The following GSDMC variants were observed in gnomAD, a reference collection of about 807,000 sequenced individuals.
The protein encoded by GSDMC is gasdermin C, also known as gasdermin-C.
A neutral mutation model predicts 58.0 loss-of-function variants in GSDMC; 59 were observed. The observed-to-expected ratio is 1.02, with a 90% confidence interval of 0.82 to 1.26. The LOEUF (loss-of-function observed/expected upper bound fraction) is 1.26. Among genes scored for constraint, GSDMC ranks in the 50% most tolerant of loss-of-function variants. The pLI, the probability that GSDMC is intolerant of heterozygous loss-of-function variation, is 0.00. For missense variants in GSDMC, 659 were observed against 598.5 expected (o/e 1.10, Z -1.06); for synonymous variants, 241 against 220.2 (o/e 1.09, Z -0.83).
the GSDMC span, among the ~76,000 whole-genome samples, chr8:129,743,195 T>C: frequency 3.9e-5 from 6 of 152,210 alleles, no homozygotes; most frequent in African/African-American, 1.2e-4. Context: ...TTCTTTTAAG[T>C]ATTGTTTTTG....
At chr8:129,767,467 G>A (rs2033900335) in intron 3 of GSDMC, among the ~76,000 whole-genome samples, 1 of 152,008 alleles carries the variant, frequency 6.6e-6, no homozygotes, top group African/African-American at 2.4e-5. Flanking sequence ...CTGTTACCCT[G>A]CCTCATGAAG....
chr8:129,762,908 C>T (rs2033723199), intron 4 of GSDMC, among the ~76,000 whole-genome samples, 177 bp from the exon 5 acceptor site: 1 of 152,154 alleles, frequency 6.6e-6, no homozygotes, highest in Non-Finnish European at 1.5e-5. Flanking sequence ...CTCATCTTCC[C>T]ATTTTTCAAT....
At chr8:129,765,835 G>A (rs2033838931) in intron 3 of GSDMC, 42 bp from the exon 4 acceptor site, 1 of 1,568,312 alleles carries the variant, frequency 6.4e-7, no homozygotes, top group Admixed American at 1.7e-5. Context: ...GAGTGGGAAA[G>A]TGATGGCTTT....
chr8:129,762,591 C>T, intron 5 of GSDMC, 35 bp downstream of exon 5: 1 of 1,266,468 alleles, frequency 7.9e-7, no homozygotes, highest in Non-Finnish European at 1.2e-6. Flanking sequence ...ACCCCCTCCA[C>T]TGCCATCTGC....
the GSDMC span, among the ~76,000 whole-genome samples, chr8:129,738,747 A>G: frequency 2.0e-5 from 3 of 152,210 alleles, no homozygotes; most frequent in Non-Finnish European, 4.4e-5. Context: ...TGGCTTATGT[A>G]TACCTATGTA....
Position 129,777,405 on chromosome 8 carries a change from G to A in GSDMC, c.183C>T (p.Ser61=). The change falls in exon 2 of 14, where the codon TCC becomes TCT. Residue 61 remains serine, a synonymous_variant. Transcript: ENST00000276708. ...EQSDYVPVEF[S]LNDILEPSSS... ...AACTTGGCTCCAGGATGTCATTGAG[G>A]GAGAATTCAACTGGAACATAGTCAG... 6.2e-7 allele frequency: 1 copy of A among 1,613,300 alleles called. No homozygotes were observed. The highest frequency in any genetic ancestry group is 1.1e-5 in the South Asian group (1 of 91,062).
chr8:129,720,780 C>T, the GSDMC span, among the ~76,000 whole-genome samples: 1 of 152,176 alleles, frequency 6.6e-6, no homozygotes. Context: ...ATCATCACAA[C>T]AAATCTTAGT....
At chr8:129,757,604 G>T (rs2033492224) in intron 6 of GSDMC, among the ~76,000 whole-genome samples, 1 of 151,340 alleles carries the variant, frequency 6.6e-6, no homozygotes, top group African/African-American at 2.4e-5. Flanking sequence ...CAAAAAAAAA[G>T]AAAAAAGAAA....
chr8:129,762,944 A>C (rs1027467670), intron 4 of GSDMC, among the ~76,000 whole-genome samples: 1 of 151,866 alleles, frequency 6.6e-6, no homozygotes, highest in Admixed American at 6.6e-5. Flanking sequence ...CAATGTTTTT[A>C]TTTCTTTCCA....
chr8:129,727,248 AT>A, the GSDMC span, among the ~76,000 whole-genome samples: 6 of 152,114 alleles, frequency 3.9e-5, no homozygotes, highest in African/African-American at 1.2e-4. Context: ...AGAAAAGACA[AT>A]TTTTTTTCAA....
the GSDMC span, among the ~76,000 whole-genome samples, chr8:129,711,135 C>A: frequency 1.7e-4 from 26 of 152,176 alleles, no homozygotes; most frequent in African/African-American, 6.3e-4. Flanking sequence ...ATTATAGTAG[C>A]ATTTATTGAG....
At chr8:129,749,394 C>A in intron 13 of GSDMC, 58 bp downstream of exon 13, 1 of 1,200,098 alleles carries the variant, frequency 8.3e-7, no homozygotes, top group South Asian at 1.2e-5. Flanking sequence ...AATCATTCTT[C>A]TTACCTCTGG....
intron 3 of GSDMC, among the ~76,000 whole-genome samples, chr8:129,768,490 A>C (rs2033941427): frequency 6.6e-6 from 1 of 152,210 alleles, no homozygotes; most frequent in African/African-American, 2.4e-5. Context: ...AGAAAACGAT[A>C]CACAAAATTA....
intron 3 of GSDMC, among the ~76,000 whole-genome samples, chr8:129,772,226 A>C (rs1251139312): frequency 2.0e-5 from 3 of 147,110 alleles, no homozygotes; most frequent in African/African-American, 7.6e-5. Context: ...GCGCCACTGC[A>C]CTCCAGCCTG....
the GSDMC span, among the ~76,000 whole-genome samples, chr8:129,718,873 G>C: frequency 1.3e-5 from 2 of 152,194 alleles, no homozygotes; most frequent in African/African-American, 4.8e-5. Flanking sequence ...ATGAGTTCAT[G>C]TCCTTTGCAG....
chr8:129,776,379 A>G, intron 2 of GSDMC, 94 bp from the exon 3 acceptor site: 1 of 942,140 alleles, frequency 1.1e-6, no homozygotes, highest in South Asian at 1.8e-5. Flanking sequence ...AAATGAAATA[A>G]CAAAGACCTA....
the GSDMC span, among the ~76,000 whole-genome samples, chr8:129,742,070 T>C: frequency 1.8e-4 from 28 of 151,478 alleles, no homozygotes; most frequent in Non-Finnish European, 3.1e-4. Context: ...ATCTCACTTA[T>C]ATGAAAAATT....
chr8:129,781,925 C>G (rs2034426946), intron 1 of GSDMC, among the ~76,000 whole-genome samples: 2 of 152,148 alleles, frequency 1.3e-5, no homozygotes, highest in Non-Finnish European at 2.9e-5. Flanking sequence ...ACATTTTTCT[C>G]CTCATCACAT....
At chr8:129,754,274 A>T (rs1328334950) in intron 6 of GSDMC, among the ~76,000 whole-genome samples, 1 of 150,758 alleles carries the variant, frequency 6.6e-6, no homozygotes, top group African/African-American at 2.4e-5. Context: ...GCATCACCAC[A>T]CTCCCAATTT....
Sources: gnomAD v4.1 joint callset for allele counts (sites outside exome capture counted in the v4.1 genomes callset) on GRCh38, gnomAD v4.1.1 for gene constraint, MANE v1.5 for transcripts, NCBI Gene and HGNC (gene_info 2026-07-23, HGNC 2026-07-21) for gene names.